The following SPMAP2 variants were observed in gnomAD, a reference collection of about 807,000 sequenced individuals.
SPMAP2 encodes Theg homolog.
the SPMAP2 span, chr19:362,316 G>C: frequency 6.2e-7 from 1 of 1,610,154 alleles, no homozygotes; most frequent in Non-Finnish European, 8.5e-7. Context: ...CGCACTTTGG[G>C]CTTGGCCAGG....
the SPMAP2 span, among the ~76,000 whole-genome samples, chr19:364,151 G>A: frequency 1.5e-4 from 23 of 149,966 alleles, 1 homozygote; most frequent in Admixed American, 7.3e-4. Flanking sequence ...GGCTCACACG[G>A]TGAAATCCCA....
the SPMAP2 span, among the ~76,000 whole-genome samples, chr19:371,014 G>A: frequency 3.9e-5 from 6 of 152,166 alleles, no homozygotes; most frequent in South Asian, 4.1e-4. Context: ...GGACTGAAGC[G>A]CAGGGAAGGA....
At chr19:372,973 C>G in the SPMAP2 span, among the ~76,000 whole-genome samples, 1 of 152,184 alleles carries the variant, frequency 6.6e-6, no homozygotes, top group Non-Finnish European at 1.5e-5. Flanking sequence ...ACCGTGGCTC[C>G]TCAACGGGGC....
At chr19:365,695 C>T in the SPMAP2 span, among the ~76,000 whole-genome samples, 1 of 135,958 alleles carries the variant, frequency 7.4e-6, no homozygotes, top group Non-Finnish European at 1.5e-5. Context: ...CACACAGCCA[C>T]ACACTCACTC....
chr19:367,158 G>C, the SPMAP2 span: 1 of 1,611,836 alleles, frequency 6.2e-7, no homozygotes, highest in South Asian at 1.1e-5. Flanking sequence ...GGGGCCTTCG[G>C]CTTTGACAAC....
the SPMAP2 span, chr19:366,916 C>T: frequency 1.1e-6 from 1 of 922,746 alleles, no homozygotes; most frequent in East Asian, 2.8e-5. Context: ...CAGACAACAC[C>T]CTCTGCTTCC....
At chr19:372,298 C>T in the SPMAP2 span, among the ~76,000 whole-genome samples, 1 of 152,266 alleles carries the variant, frequency 6.6e-6, no homozygotes, top group African/African-American at 2.4e-5. Context: ...AGAATTTCCA[C>T]CTTTTTTGAG....
At chr19:368,504 T>G in the SPMAP2 span, among the ~76,000 whole-genome samples, 1 of 152,164 alleles carries the variant, frequency 6.6e-6, no homozygotes, top group Non-Finnish European at 1.5e-5. The surrounding 1 kb of genome is among the most constrained non-coding windows in gnomAD (Gnocchi z 4.1). Context: ...GGAGGGCAGC[T>G]GCTGAAATGT....
the SPMAP2 span, chr19:366,947 T>C: frequency 4.2e-6 from 5 of 1,188,140 alleles, no homozygotes; most frequent in Non-Finnish European, 4.7e-6. Flanking sequence ...TCCCTGTGAT[T>C]TCTGCTTCTC....
the SPMAP2 span, chr19:374,287 G>C: frequency 1.7e-5 from 28 of 1,613,852 alleles, no homozygotes; most frequent in Non-Finnish European, 2.0e-5. Flanking sequence ...CCGTGGTCTG[G>C]CGTGTCCTCA....
the SPMAP2 span, chr19:375,647 G>A: frequency 9.4e-5 from 145 of 1,535,600 alleles, no homozygotes; most frequent in Admixed American, 1.7e-4. Flanking sequence ...AGGCAGGCCC[G>A]TTCCCCGGTG....
chr19:366,313 G>A, the SPMAP2 span, among the ~76,000 whole-genome samples: 3 of 152,066 alleles, frequency 2.0e-5, no homozygotes, highest in African/African-American at 7.2e-5. Flanking sequence ...CCAGTGTATC[G>A]ATGTTCATAC....
At chr19:367,061 T>G in the SPMAP2 span, 1 of 1,612,870 alleles carries the variant, frequency 6.2e-7, no homozygotes, top group Admixed American at 1.7e-5. Flanking sequence ...AGGCACCTAC[T>G]TACTGGCCAA....
At chr19:368,753 G>T in the SPMAP2 span, among the ~76,000 whole-genome samples, 2 of 152,162 alleles carry the variant, frequency 1.3e-5, no homozygotes, top group Non-Finnish European at 2.9e-5. The surrounding 1 kb of genome is among the most constrained non-coding windows in gnomAD (Gnocchi z 4.1). Context: ...AAGATATTGT[G>T]GTGTTTACAA....
the SPMAP2 span, chr19:362,432 G>A: frequency 5.6e-6 from 9 of 1,592,956 alleles, no homozygotes; most frequent in African/African-American, 6.7e-5. Flanking sequence ...GGGCCCTAGT[G>A]GGGGCAGAAG....
the SPMAP2 span, chr19:362,528 A>G: frequency 1.1e-6 from 1 of 921,044 alleles, no homozygotes; most frequent in Non-Finnish European, 1.6e-6. Context: ...AGCACTGTGG[A>G]AGGCTGAGGC....
chr19:369,482 GA>G, the SPMAP2 span, among the ~76,000 whole-genome samples: 1 of 151,766 alleles, frequency 6.6e-6, no homozygotes. Context: ...TGGCAACCAG[GA>G]AGGGGATCGC....
chr19:366,273 CATGG>C, the SPMAP2 span, among the ~76,000 whole-genome samples: 1 of 152,112 alleles, frequency 6.6e-6, no homozygotes, highest in South Asian at 2.1e-4. Flanking sequence ...ACATTTGAAA[CATGG>C]ATGGATGTAT....
the SPMAP2 span, among the ~76,000 whole-genome samples, chr19:366,146 A>G: frequency 6.6e-6 from 1 of 152,116 alleles, no homozygotes; most frequent in Non-Finnish European, 1.5e-5. Flanking sequence ...TCTCAAAAAA[A>G]AAAAAGGTGG....
Sources: gnomAD v4.1 joint callset for allele counts (sites outside exome capture counted in the v4.1 genomes callset) on GRCh38, gnomAD v4.1.1 for gene constraint, Gnocchi (gnomAD v3.1) non-coding constraint, MANE v1.5 for transcripts, NCBI Gene and HGNC (gene_info 2026-07-23, HGNC 2026-07-21) for gene names.